Variants in MANBA observed in about 807,000 individuals in gnomAD.
MANBA encodes the protein beta-mannosidase.
In MANBA, 83 loss-of-function variants were observed where a neutral mutation model predicts 111.1. That is an observed-to-expected ratio of 0.75 (90% CI 0.63 to 0.90). The LOEUF (loss-of-function observed/expected upper bound fraction) is 0.90, where lower values mean the gene tolerates loss of function less well. Among genes scored for constraint, MANBA ranks in the 40% least tolerant of loss-of-function variants. MANBA has a pLI of 0.00. For missense variants in MANBA, 1,036 were observed against 1,069.0 expected, an observed-to-expected ratio of 0.97 and a Z score of 0.43; for synonymous variants, 370 against 378.7, an observed-to-expected ratio of 0.98 and a Z score of 0.27.
At chr4:102,700,586 A>C (rs1346680644) in intron 5 of MANBA, among the ~76,000 whole-genome samples, 4 of 152,066 alleles carry the variant, frequency 2.6e-5, no homozygotes, top group African/African-American at 9.7e-5. Context: ...TTCAAAAAAC[A>C]TCTTTATTTC....
intron 12 of MANBA, among the ~76,000 whole-genome samples, chr4:102,654,651 T>C (rs1380488820): frequency 6.6e-6 from 1 of 152,208 alleles, no homozygotes; most frequent in Non-Finnish European, 1.5e-5. Flanking sequence ...TTTCATGATA[T>C]AAGCACTCAG....
At chr4:102,734,533 G>A (rs1723140156) in intron 1 of MANBA, 1 of 1,608,638 alleles carries the variant, frequency 6.2e-7, no homozygotes, top group African/African-American at 1.3e-5. Flanking sequence ...GAGCTCAGAA[G>A]TGCTGAGGTG....
chr4:102,727,824 G>T, intron 1 of MANBA: 1 of 628,632 alleles, frequency 1.6e-6, no homozygotes, highest in Admixed American at 2.5e-5. Flanking sequence ...AATACTTCCG[G>T]AAAAGGATTT....
chr4:102,733,749 T>C (rs1485819931), intron 1 of MANBA, among the ~76,000 whole-genome samples: 1 of 152,262 alleles, frequency 6.6e-6, no homozygotes, highest in Admixed American at 6.5e-5. Context: ...TCTGTTTCTT[T>C]GTTCCTTACA....
intron 1 of MANBA, chr4:102,729,631 C>T: frequency 9.1e-7 from 1 of 1,102,198 alleles, no homozygotes; most frequent in Non-Finnish European, 1.4e-6. Flanking sequence ...TTGATCTCAT[C>T]CTCATACTTG....
intron 14 of MANBA, among the ~76,000 whole-genome samples, chr4:102,637,369 T>C (rs1252789069): frequency 6.6e-6 from 1 of 152,180 alleles, no homozygotes; most frequent in Non-Finnish European, 1.5e-5. Flanking sequence ...TCTAATCCGA[T>C]TGTGGGTCAT....
At chr4:102,753,246 A>T (rs1183536442) in intron 1 of MANBA, among the ~76,000 whole-genome samples, 1 of 152,070 alleles carries the variant, frequency 6.6e-6, no homozygotes, top group Non-Finnish European at 1.5e-5. Context: ...TTGTCTCTAT[A>T]TACTTAGAAA....
chr4:102,752,773 C>T, intron 1 of MANBA: 1 of 338,072 alleles, frequency 3.0e-6, no homozygotes, highest in Non-Finnish European at 5.8e-6. Flanking sequence ...TTCATAACAG[C>T]TAACATTTAA....
Position 102,650,697 on chromosome 4 carries a change from G to C in MANBA, c.1709C>G (p.Ser570Trp). The C allele has an allele frequency of 6.2e-7, 1 of 1,611,272 alleles. No individual in the cohort carries two copies. The highest frequency in any genetic ancestry group is 8.5e-7 in the Non-Finnish European group (1 of 1,177,582). The part of the protein sequence containing the change: ...WPSFSTLEKV[S>W]STEDWSFNSK... ...ATTGAAAGACCAGTCCTCTGTAGAC[G>C]AGACCTTTCAAATAAAGAATAAGAA... is the stretch of plus-strand genomic sequence containing the variant. The change falls in exon 13 of 17, where the codon TCG becomes TGG. Residue 570 changes from serine (S) to tryptophan (W), a missense_variant. Physicochemically the swap from Ser to Trp is radical, Grantham distance 177. Coordinates refer to ENST00000647097, the MANE Select transcript of MANBA (RefSeq NM_005908.4).
intron 12 of MANBA, among the ~76,000 whole-genome samples, chr4:102,652,020 C>A (rs1331679491): frequency 6.6e-6 from 1 of 152,236 alleles, no homozygotes; most frequent in South Asian, 2.1e-4. Context: ...TAATTTGATA[C>A]ATGTATACAA....
At chr4:102,644,750 T>C (rs776912386) in intron 13 of MANBA, among the ~76,000 whole-genome samples, 1 of 152,112 alleles carries the variant, frequency 6.6e-6, no homozygotes, top group Non-Finnish European at 1.5e-5. Flanking sequence ...GCTAACAGGG[T>C]AGATTTTAAG....
chr4:102,702,306 T>C (rs1041478684), intron 5 of MANBA, among the ~76,000 whole-genome samples: 1 of 151,984 alleles, frequency 6.6e-6, no homozygotes, highest in Non-Finnish European at 1.5e-5. Flanking sequence ...TTGGTTTGAA[T>C]TTCCTCCTGT....
chr4:102,691,635 A>G (rs6843449), intron 5 of MANBA, among the ~76,000 whole-genome samples: 5,972 of 151,538 alleles, frequency 0.039, 393 homozygotes, highest in African/African-American at 0.13. Flanking sequence ...CCTTCTGAGC[A>G]GCTGGCACTA....
chr4:102,667,082 G>A (rs1261694690), intron 10 of MANBA: 1 of 152,072 alleles, frequency 6.6e-6, no homozygotes, highest in African/African-American at 2.4e-5. Context: ...TCCCCCTTTT[G>A]GTTGTTCAGA....
intron 1 of MANBA, among the ~76,000 whole-genome samples, chr4:102,741,382 A>T (rs996056908): frequency 6.6e-6 from 1 of 152,224 alleles, no homozygotes; most frequent in Admixed American, 6.5e-5. Context: ...CAGTATGGAG[A>T]TTCCTTAAAG....
At chr4:102,754,025 A>G in intron 1 of MANBA, 1 of 345,754 alleles carries the variant, frequency 2.9e-6, no homozygotes, top group Non-Finnish European at 5.7e-6. Flanking sequence ...AAAGAAAAAA[A>G]AAATCACCAT....
At chr4:102,632,307 G>T (rs188383708) in intron 16 of MANBA, 26 bp from the exon 17 acceptor site, 168 of 1,497,736 alleles carry the variant, frequency 1.1e-4, no homozygotes, top group Non-Finnish European at 1.5e-4. Context: ...AAAAATGAAT[G>T]AAGTGAAGGA....
chr4:102,732,545 T>A (rs950057737), intron 1 of MANBA, among the ~76,000 whole-genome samples: 5 of 152,232 alleles, frequency 3.3e-5, no homozygotes, highest in African/African-American at 1.2e-4. Context: ...AAGATCAAGA[T>A]AGGTATCTGC....
chr4:102,751,913 G>C, intron 1 of MANBA: 1 of 631,298 alleles, frequency 1.6e-6, no homozygotes, highest in Non-Finnish European at 3.1e-6. Context: ...TCTTATGGGA[G>C]TGGAATAGAG....
Sources: allele counts gnomAD v4.1 joint callset (sites outside exome capture counted in the v4.1 genomes callset), GRCh38; gene constraint gnomAD v4.1.1; transcripts MANE v1.5; gene names NCBI Gene and HGNC (gene_info 2026-07-23, HGNC 2026-07-21).